The following CDH13 variants were observed in gnomAD, a reference collection of about 807,000 sequenced individuals.
The protein encoded by CDH13 is cadherin-13.
CDH13 carries 24 observed loss-of-function variants against 63.8 expected under a neutral mutation model. The observed-to-expected ratio is 0.38, with a 90% CI of 0.27 to 0.53. The LOEUF is 0.53. Among genes scored for constraint, CDH13 ranks in the 20% least tolerant of loss-of-function variants. The pLI, the probability that CDH13 is intolerant of heterozygous loss-of-function variation, is 0.85. For missense variants in CDH13, 1,049 were observed against 903.1 expected (o/e 1.16, Z -2.07); for synonymous variants, 503 against 355.3 (o/e 1.42, Z -4.67).
intron 2 of CDH13, among the ~76,000 whole-genome samples, chr16:82,919,170 TCTTA>T (rs2042081365): frequency 6.6e-6 from 1 of 152,198 alleles, no homozygotes; most frequent in Non-Finnish European, 1.5e-5. Flanking sequence ...TATATTTCAA[TCTTA>T]CTTTTTACAT....
At chr16:83,523,198 G>C (rs1303071447) in intron 7 of CDH13, among the ~76,000 whole-genome samples, 2 of 152,168 alleles carry the variant, frequency 1.3e-5, no homozygotes, top group African/African-American at 4.8e-5. Context: ...AATAATGAGT[G>C]CAGGATCCAT....
intron 10 of CDH13, among the ~76,000 whole-genome samples, chr16:83,691,900 C>T (rs1904931781): frequency 1.3e-5 from 2 of 152,144 alleles, no homozygotes; most frequent in Admixed American, 1.3e-4. Context: ...GGCACTGTTC[C>T]CTGAGCCTTC....
At chr16:83,427,461 C>G (rs980856559) in intron 6 of CDH13, among the ~76,000 whole-genome samples, 2 of 152,138 alleles carry the variant, frequency 1.3e-5, no homozygotes, top group Non-Finnish European at 2.9e-5. Flanking sequence ...GAATTCTCTT[C>G]TGGAGCCTCC....
At chr16:82,685,844 C>G (rs989258364) in intron 1 of CDH13, among the ~76,000 whole-genome samples, 2 of 152,196 alleles carry the variant, frequency 1.3e-5, no homozygotes, top group South Asian at 2.1e-4. Flanking sequence ...GGTCTTAAAA[C>G]AGAACCTTTG....
intron 3 of CDH13, among the ~76,000 whole-genome samples, chr16:83,046,275 C>A (rs544829789): frequency 6.6e-6 from 1 of 152,146 alleles, no homozygotes; most frequent in Non-Finnish European, 1.5e-5. Context: ...TGAATTGCTT[C>A]TATCTTTCTT....
chr16:82,797,977 AC>A (rs1263552149), intron 1 of CDH13, among the ~76,000 whole-genome samples: 1 of 152,186 alleles, frequency 6.6e-6, no homozygotes, highest in African/African-American at 2.4e-5. Context: ...TCCTGTCACC[AC>A]GATGGATCCA....
At chr16:82,700,951 A>ACCACCCCCC (rs1567641690) in intron 1 of CDH13, among the ~76,000 whole-genome samples, 3 of 13,806 alleles carry the variant, frequency 2.2e-4, no homozygotes, top group Non-Finnish European at 4.1e-4. Flanking sequence ...AAGTGCTGGA[A>ACCACCCCCC]CCCGCCCCCC....
At chr16:83,267,642 C>T (rs976098621) in intron 5 of CDH13, among the ~76,000 whole-genome samples, 1 of 152,068 alleles carries the variant, frequency 6.6e-6, no homozygotes, top group Non-Finnish European at 1.5e-5. Flanking sequence ...TGAGTTCGGC[C>T]CCCTTCCCCT....
intron 1 of CDH13, among the ~76,000 whole-genome samples, chr16:82,690,785 C>T (rs983479036): frequency 6.6e-6 from 1 of 152,224 alleles, no homozygotes; most frequent in Non-Finnish European, 1.5e-5. Flanking sequence ...ACAACCTGCT[C>T]ACACCTCTGG....
chr16:83,090,049 T>C (rs1170164449), intron 3 of CDH13, among the ~76,000 whole-genome samples: 1 of 152,166 alleles, frequency 6.6e-6, no homozygotes, highest in African/African-American at 2.4e-5. Context: ...AGTCAGGGCT[T>C]GGGCATAAAC....
chr16:83,594,129 G>A (rs1907033183), intron 7 of CDH13, among the ~76,000 whole-genome samples: 1 of 152,218 alleles, frequency 6.6e-6, no homozygotes, highest in Non-Finnish European at 1.5e-5. Flanking sequence ...CTCAGTGGCT[G>A]TTGGCAGCAT....
Position 82,773,846 on chromosome 16 carries a change from C to T in CDH13, c.46-84516C>T, listed in dbSNP as rs547281048. Among the ~76,000 whole-genome samples, 46 of 151,286 alleles carry T rather than the reference C, an allele frequency of 3.0e-4. 1 individual carries two copies. Among genetic ancestry groups the T allele is most frequent in the Non-Finnish European group, 2.8e-4 (19 of 67,910 alleles). The stretch of plus-strand genomic sequence containing the variant: ...TCACCCAGGCTGGAGTGCAATTGCG[C>T]GATCTCAGCTCACTGCAACCTCCGC... On this transcript the variant is annotated intron_variant, in intron 1 of 13. Transcript: ENST00000567109.
intron 6 of CDH13, among the ~76,000 whole-genome samples, chr16:83,461,375 T>A (rs2073178284): frequency 6.6e-6 from 1 of 152,068 alleles, no homozygotes; most frequent in African/African-American, 2.4e-5. Flanking sequence ...CCAGAGCAGG[T>A]GAGGGATGAT....
chr16:83,095,719 G>C (rs572747069), intron 3 of CDH13, among the ~76,000 whole-genome samples: 1 of 152,118 alleles, frequency 6.6e-6, no homozygotes, highest in Non-Finnish European at 1.5e-5. Flanking sequence ...TGAATTCAGA[G>C]GATAGTAGTA....
intron 2 of CDH13, among the ~76,000 whole-genome samples, chr16:82,963,269 C>T (rs1016610504): frequency 2.0e-5 from 3 of 151,742 alleles, no homozygotes; most frequent in African/African-American, 7.3e-5. Context: ...ATCCCAGCTA[C>T]TAGGGAGGCT....
intron 7 of CDH13, among the ~76,000 whole-genome samples, chr16:83,545,864 C>T (rs1313540543): frequency 6.6e-6 from 1 of 152,154 alleles, no homozygotes; most frequent in African/African-American, 2.4e-5. Context: ...TGATGGCTCC[C>T]TTTCTTTGAG....
intron 5 of CDH13, among the ~76,000 whole-genome samples, chr16:83,241,761 A>T (rs1000591841): frequency 6.6e-6 from 1 of 152,174 alleles, no homozygotes; most frequent in African/African-American, 2.4e-5. Flanking sequence ...ATGTCTTGCA[A>T]AGATTTTCTC....
intron 1 of CDH13, chr16:82,723,128 C>T: frequency 6.6e-6 from 1 of 152,272 alleles, no homozygotes; most frequent in Non-Finnish European, 1.5e-5. Context: ...GGGGAACAGT[C>T]TGGGGAAGGA....
intron 7 of CDH13, among the ~76,000 whole-genome samples, chr16:83,567,638 C>G (rs906179904): frequency 1.3e-5 from 2 of 152,152 alleles, no homozygotes; most frequent in Non-Finnish European, 2.9e-5. Flanking sequence ...CTCTGTTGCC[C>G]AGGCTGGAGT....
Sources: allele counts gnomAD v4.1 joint callset (sites outside exome capture counted in the v4.1 genomes callset), GRCh38; gene constraint gnomAD v4.1.1; transcripts MANE v1.5; gene names NCBI Gene and HGNC (gene_info 2026-07-23, HGNC 2026-07-21).